Variants in PKN2 observed in about 807,000 individuals in gnomAD.
PKN2 encodes the protein protein kinase N2, also known as serine/threonine-protein kinase N2.
A neutral mutation model predicts 119.1 loss-of-function variants in PKN2; 38 were observed. The ratio of observed to expected loss-of-function variants is 0.32; its 90% CI spans 0.25 to 0.42. The LOEUF is 0.42. Ranked by LOEUF, PKN2 falls within the 10% of genes least tolerant of loss-of-function variation. The probability of loss-of-function intolerance (pLI) is 1.00; values close to 1 mark genes in which losing one functional copy is unlikely to be tolerated. For synonymous variants in PKN2, 390 were observed against 384.9 expected (o/e 1.01, Z -0.15); for missense variants, 850 against 1,165.1 (o/e 0.73, Z 3.94).
rs565302357 is a variant in PKN2 at position 88,794,801 on chromosome 1, CTATT to C, written c.1281+8591_1281+8594del. 1.7e-3 allele frequency among the ~76,000 whole-genome samples: 254 copies of C among 152,190 alleles called. 4 individuals are homozygous for C. The highest frequency in any genetic ancestry group is 7.4e-5 in the Non-Finnish European group (5 of 67,998). On this transcript the variant is annotated intron_variant, in intron 8 of 21. Transcript: ENST00000370521. The stretch of plus-strand genomic sequence containing the variant: ...CCCCTTCCAAACTTAATTTTCTTCT[CTATT>C]TACCCTAAAACCAATGTTACTCTGA...
intron 16 of PKN2, among the ~76,000 whole-genome samples, chr1:88,819,159 C>T (rs1672140647): frequency 6.6e-6 from 1 of 152,144 alleles, no homozygotes; most frequent in Non-Finnish European, 1.5e-5. Flanking sequence ...GCAGTGGCAA[C>T]CAAAGCCAAA....
At chr1:88,709,368 A>C (rs1337282172) in intron 1 of PKN2, among the ~76,000 whole-genome samples, 1 of 152,110 alleles carries the variant, frequency 6.6e-6, no homozygotes, top group Admixed American at 6.6e-5. Flanking sequence ...AATATTTAAG[A>C]GTAATCAAAT....
At chr1:88,784,469 G>A (rs1772795) in intron 6 of PKN2, among the ~76,000 whole-genome samples, 170 bp from the exon 7 acceptor site, 77,149 of 151,792 alleles carry the variant, frequency 0.51, 20,298 homozygotes, top group Middle Eastern at 0.7. Flanking sequence ...ATTTGTAATG[G>A]TTTCTCTAAT....
At chr1:88,821,833 T>C in intron 16 of PKN2, 108 bp from the exon 17 acceptor site, 3 of 853,064 alleles carry the variant, frequency 3.5e-6, no homozygotes, top group Non-Finnish European at 5.1e-6. Flanking sequence ...TAAATAAATA[T>C]TTGTGAAATA....
intron 1 of PKN2, among the ~76,000 whole-genome samples, chr1:88,719,091 G>A (rs1038096971): frequency 3.3e-5 from 5 of 151,960 alleles, no homozygotes; most frequent in Admixed American, 1.3e-4. Context: ...TTCTTGTGTC[G>A]TTAGCATATA....
intron 2 of PKN2, among the ~76,000 whole-genome samples, chr1:88,748,045 T>C (rs1187927439): frequency 6.6e-6 from 1 of 152,198 alleles, no homozygotes. Flanking sequence ...TTTAAAATCA[T>C]GAGATTAAAT....
chr1:88,728,057 A>T, intron 1 of PKN2, among the ~76,000 whole-genome samples: 1 of 144,360 alleles, frequency 6.9e-6, no homozygotes, highest in East Asian at 2.0e-4. Context: ...TGGGTTACAG[A>T]CTTCTGGCAC....
chr1:88,777,116 A>T (rs911426014), intron 6 of PKN2, among the ~76,000 whole-genome samples: 1 of 152,066 alleles, frequency 6.6e-6, no homozygotes. Flanking sequence ...TGCTCTTAAG[A>T]CTAGACAAGT....
intron 1 of PKN2, among the ~76,000 whole-genome samples, chr1:88,687,327 A>G (rs927003210): frequency 6.6e-6 from 1 of 152,192 alleles, no homozygotes; most frequent in African/African-American, 2.4e-5. Context: ...AAGGAAGAAT[A>G]TTTACTGTAG....
intron 1 of PKN2, among the ~76,000 whole-genome samples, chr1:88,718,761 C>A (rs1214807208): frequency 6.6e-6 from 1 of 152,100 alleles, no homozygotes; most frequent in African/African-American, 2.4e-5. Flanking sequence ...AATTACTTCC[C>A]CAGTAATGAA....
chr1:88,833,205 T>G (rs2100940622), intron 21 of PKN2, 40 bp from the exon 22 acceptor site: 1 of 1,610,316 alleles, frequency 6.2e-7, no homozygotes, highest in East Asian at 2.2e-5. Context: ...GCGATTAGAT[T>G]TAACAAACTA....
In PKN2 at chr1:88,684,609, T is replaced by G; in HGVS notation, c.29T>G (p.Ile10Ser). 6.4e-7 allele frequency: 1 copy of G among 1,563,904 alleles called. No homozygotes were observed. The highest frequency in any genetic ancestry group is 8.7e-7 in the Non-Finnish European group (1 of 1,155,744). Residue 10 changes from isoleucine (I) to serine (S), a missense_variant, in exon 1 of 22, where the codon ATT (isoleucine) becomes AGT (serine). Around this residue, in one of 9 missense-constraint regions of PKN2, gnomAD observed 73 missense variants for 61.2 expected, o/e 1.19. Transcript: ENST00000370521. ...GCGTCCAACCCCGAACGGGGGGAGA[T>G]TCTGCTCACGGAACTGCAGGTAAGG... MASNPERGE[I>S]LLTELQGDSR...
At chr1:88,817,939 G>C (rs1325706786) in intron 16 of PKN2, among the ~76,000 whole-genome samples, 2 of 152,156 alleles carry the variant, frequency 1.3e-5, no homozygotes, top group Non-Finnish European at 2.9e-5. Flanking sequence ...AATTGTCTCT[G>C]TTTGGAGATG....
chr1:88,763,501 G>A (rs921442953), intron 3 of PKN2, among the ~76,000 whole-genome samples: 7 of 151,992 alleles, frequency 4.6e-5, no homozygotes, highest in African/African-American at 1.7e-4. Context: ...CAGCTACTTG[G>A]GAGACTGAGG....
At chr1:88,732,720 CAA>C (rs1407139630) in intron 1 of PKN2, among the ~76,000 whole-genome samples, 2 of 152,158 alleles carry the variant, frequency 1.3e-5, no homozygotes, top group Admixed American at 6.5e-5. Context: ...AATTCTATGT[CAA>C]AGAGAAACAC....
At chr1:88,699,981 C>G (rs1666712073) in intron 1 of PKN2, among the ~76,000 whole-genome samples, 1 of 152,034 alleles carries the variant, frequency 6.6e-6, no homozygotes, top group Non-Finnish European at 1.5e-5. Context: ...CAGGGTTTCA[C>G]TGTTTTGGCC....
intron 2 of PKN2, among the ~76,000 whole-genome samples, chr1:88,756,894 A>G (rs1669228719): frequency 6.6e-6 from 1 of 152,166 alleles, no homozygotes; most frequent in Admixed American, 6.5e-5. Context: ...TGTGAGGTAC[A>G]TGATGTTTTC....
chr1:88,815,282 A>T, intron 16 of PKN2: 1 of 166,100 alleles, frequency 6.0e-6, no homozygotes, highest in Middle Eastern at 5.3e-4. Flanking sequence ...CAAGAATACA[A>T]TGCTGCATTA....
chr1:88,794,164 T>TC (rs943713254), intron 8 of PKN2, among the ~76,000 whole-genome samples: 75 of 152,196 alleles, frequency 4.9e-4, no homozygotes, highest in African/African-American at 1.7e-3. Flanking sequence ...GGTTGGGAGT[T>TC]CAAGACCAGC....
Sources: allele counts gnomAD v4.1 joint callset (sites outside exome capture counted in the v4.1 genomes callset), GRCh38; gene constraint gnomAD v4.1.1; regional missense constraint gnomAD v4.1.1; transcripts MANE v1.5; gene names NCBI Gene and HGNC (gene_info 2026-07-23, HGNC 2026-07-21).